Variants in KCNQ5 observed in about 807,000 individuals in gnomAD.
KCNQ5 encodes potassium voltage-gated channel subfamily Q member 5, also known as potassium voltage-gated channel subfamily KQT member 5.
KCNQ5 carries 30 observed loss-of-function variants against 98.2 expected under a neutral mutation model. That is an observed-to-expected ratio of 0.31 (90% confidence interval 0.23 to 0.41). The LOEUF (loss-of-function observed/expected upper bound fraction) is 0.41. KCNQ5 is among the 10% of genes least tolerant of loss of function. The pLI is 1.00. For synonymous variants in KCNQ5, 458 were observed against 449.4 expected (o/e 1.02, Z -0.24); for missense variants, 835 against 1,182.5 (o/e 0.71, Z 4.31).
At chr6:72,782,305 A>G (rs4421163) in intron 1 of KCNQ5, among the ~76,000 whole-genome samples, 112,762 of 151,922 alleles carry the variant, frequency 0.74, 42,676 homozygotes, top group African/African-American at 0.9. Context: ...GATAAAGAGA[A>G]AGACATGATG....
chr6:72,907,944 C>A (rs1354834550), intron 1 of KCNQ5, among the ~76,000 whole-genome samples: 4 of 152,002 alleles, frequency 2.6e-5, no homozygotes, highest in African/African-American at 9.7e-5. Context: ...TTATTTCTAA[C>A]CACTATCATG....
chr6:72,796,395 T>C lies in KCNQ5; in HGVS notation c.398+173808T>C, dbSNP rs9442849. On this transcript the variant is annotated intron_variant, in intron 1 of 13. Coordinates refer to ENST00000370398, the MANE Select transcript of KCNQ5 (RefSeq NM_019842.4). Reference sequence around the variant, plus strand: ...TGATGTAGGTGTTGTATTTCAAAACTAGCCAGGACCACAGAGAGCTAAAGG... The same window carrying C: ...TGATGTAGGTGTTGTATTTCAAAACCAGCCAGGACCACAGAGAGCTAAAGG... 8.0e-3 allele frequency among the ~76,000 whole-genome samples: 1,217 copies of C among 152,244 alleles called. 21 individuals are homozygous for C. Among genetic ancestry groups the C allele is most frequent in the African/African-American group, 0.026 (1,077 of 41,546 alleles).
rs553876178 is a variant in KCNQ5, at chr6:72,641,417, C to T, written c.398+18830C>T. 9.1e-4 allele frequency among the ~76,000 whole-genome samples: 138 copies of T among 152,192 alleles called. 1 individual carries two copies. The highest frequency in any genetic ancestry group is 3.1e-3 in the African/African-American group (130 of 41,534). On this transcript the variant is annotated intron_variant, in intron 1 of 13. Transcript: ENST00000370398. ...ATCCAGACATTCAAATAAGCAGAAA[C>T]ATCTGTGCAGTCTTTAAATCTGCCA... is the stretch of plus-strand genomic sequence containing the variant.
intron 1 of KCNQ5, among the ~76,000 whole-genome samples, chr6:72,839,324 T>C (rs1776682945): frequency 6.6e-6 from 1 of 152,254 alleles, no homozygotes; most frequent in Non-Finnish European, 1.5e-5. Flanking sequence ...GCATTTTTGT[T>C]TTATCATATT....
At chr6:72,719,422 GA>G (rs374641534) in intron 1 of KCNQ5, among the ~76,000 whole-genome samples, 1,764 of 151,818 alleles carry the variant, frequency 0.012, 30 homozygotes, top group African/African-American at 0.04. Flanking sequence ...GAAGTAACAG[GA>G]AAAAAAATTA....
intron 10 of KCNQ5, among the ~76,000 whole-genome samples, chr6:73,155,635 A>G (rs568297134): frequency 6.6e-6 from 1 of 152,320 alleles, no homozygotes; most frequent in East Asian, 1.9e-4. Flanking sequence ...ATGCTGAGAA[A>G]TCGACTTTGA....
chr6:72,902,383 AGAG>A (rs1779544044), intron 1 of KCNQ5, among the ~76,000 whole-genome samples: 1 of 152,164 alleles, frequency 6.6e-6, no homozygotes, highest in African/African-American at 2.4e-5. Context: ...ACTATGTTGA[AGAG>A]GAGTGGTGAG....
chr6:73,165,877 G>A (rs547066552), intron 10 of KCNQ5, among the ~76,000 whole-genome samples: 307 of 151,668 alleles, frequency 2.0e-3, no homozygotes, highest in Non-Finnish European at 3.8e-3. Context: ...CCCGGGAGGC[G>A]GAGGTTGCAG....
intron 1 of KCNQ5, among the ~76,000 whole-genome samples, chr6:72,658,578 A>ATATATATATAT (rs1226386362): frequency 5.4e-4 from 41 of 76,376 alleles, no homozygotes; most frequent in Non-Finnish European, 1.0e-3. Context: ...ATATATATAT[A>ATATATATATAT]TTTTTTTTTT....
intron 10 of KCNQ5, among the ~76,000 whole-genome samples, chr6:73,137,014 T>G (rs981373850): frequency 1.1e-4 from 16 of 152,190 alleles, no homozygotes; most frequent in African/African-American, 3.4e-4. Context: ...AAAGAAAGAA[T>G]AATGGAAACT....
intron 1 of KCNQ5, among the ~76,000 whole-genome samples, chr6:72,788,635 T>C (rs1035707399): frequency 6.6e-6 from 1 of 152,256 alleles, no homozygotes; most frequent in Non-Finnish European, 1.5e-5. Context: ...AAATAGTTTA[T>C]AACAATTTTT....
intron 1 of KCNQ5, among the ~76,000 whole-genome samples, chr6:72,985,393 T>A (rs916411207): frequency 2.0e-5 from 3 of 152,226 alleles, no homozygotes; most frequent in African/African-American, 7.2e-5. Context: ...TAATTTCAGA[T>A]GAGCTGAAAA....
chr6:72,680,196 C>T (rs945168471), intron 1 of KCNQ5, among the ~76,000 whole-genome samples: 1 of 152,140 alleles, frequency 6.6e-6, no homozygotes, highest in Non-Finnish European at 1.5e-5. Flanking sequence ...CATCCCCTAC[C>T]ACCACCCCTT....
chr6:72,922,839 T>C (rs1263689465), intron 1 of KCNQ5, among the ~76,000 whole-genome samples: 1 of 122,960 alleles, frequency 8.1e-6, no homozygotes, highest in African/African-American at 3.0e-5. Context: ...TGAGATGGAA[T>C]CTCACTCTGT....
At chr6:72,934,348 A>T (rs1298751344) in intron 1 of KCNQ5, among the ~76,000 whole-genome samples, 6 of 152,170 alleles carry the variant, frequency 3.9e-5, no homozygotes, top group Admixed American at 3.3e-4. Flanking sequence ...AATGATGTTG[A>T]TGACGGTGGT....
At chr6:73,175,183 T>C (rs1778165060) in intron 11 of KCNQ5, among the ~76,000 whole-genome samples, 2 of 151,804 alleles carry the variant, frequency 1.3e-5, no homozygotes, top group Admixed American at 1.3e-4. Flanking sequence ...AGAGTTTCAC[T>C]CTTGTTGCCC....
chr6:72,659,543 G>A (rs1766399630), intron 1 of KCNQ5, among the ~76,000 whole-genome samples: 1 of 152,218 alleles, frequency 6.6e-6, no homozygotes, highest in African/African-American at 2.4e-5. Flanking sequence ...TTGGTGTCTG[G>A]TGAGGGCTAC....
At chr6:72,828,506 T>A (rs1389073074) in intron 1 of KCNQ5, among the ~76,000 whole-genome samples, 1 of 152,080 alleles carries the variant, frequency 6.6e-6, no homozygotes, top group Non-Finnish European at 1.5e-5. Flanking sequence ...GAGATTGCCT[T>A]CTTGATTTCT....
intron 2 of KCNQ5, among the ~76,000 whole-genome samples, chr6:73,022,690 T>C (rs1347597683): frequency 1.3e-5 from 2 of 152,124 alleles, no homozygotes; most frequent in African/African-American, 4.8e-5. Context: ...CCTGACTTCA[T>C]TCATGCTTAA....
Sources: gnomAD v4.1 joint callset for allele counts (sites outside exome capture counted in the v4.1 genomes callset) on GRCh38, gnomAD v4.1.1 for gene constraint, MANE v1.5 for transcripts, NCBI Gene and HGNC (gene_info 2026-07-23, HGNC 2026-07-21) for gene names.